Variants in SWT1 observed in about 807,000 individuals in gnomAD.
The protein encoded by SWT1 is SWT1 RNA endoribonuclease homolog, also known as transcriptional protein SWT1.
A neutral mutation model predicts 107.3 loss-of-function variants in SWT1; 33 were observed. The observed-to-expected ratio is 0.31, with a 90% CI of 0.23 to 0.41. The LOEUF is 0.41. Ranked by LOEUF, SWT1 falls within the 10% of genes least tolerant of loss-of-function variation. SWT1 has a pLI of 1.00. For missense variants in SWT1, 898 were observed against 1,028.9 expected, an observed-to-expected ratio of 0.87 and a Z score of 1.74; for synonymous variants, 345 against 348.3, an observed-to-expected ratio of 0.99 and a Z score of 0.11.
intron 18 of SWT1, among the ~76,000 whole-genome samples, chr1:185,288,829 C>T (rs1241558119): frequency 2.0e-5 from 3 of 152,032 alleles, no homozygotes; most frequent in African/African-American, 7.3e-5. Flanking sequence ...GGATTGGTGT[C>T]CTACAATTTG....
chr1:185,171,519 CT>C, intron 4 of SWT1: 1 of 352,794 alleles, frequency 2.8e-6, no homozygotes. Context: ...GCCCTTGCTC[CT>C]TTTGATCACA....
intron 17 of SWT1, among the ~76,000 whole-genome samples, chr1:185,274,465 G>GATTTTTAAA (rs1359653618): frequency 2.4e-4 from 37 of 151,822 alleles, no homozygotes; most frequent in African/African-American, 8.4e-4. Flanking sequence ...CTGATTCACA[G>GATTTTTAAA]ATTTTTAAAA....
At chr1:185,179,761 A>G (rs1391482823) in intron 5 of SWT1, among the ~76,000 whole-genome samples, 1 of 152,164 alleles carries the variant, frequency 6.6e-6, no homozygotes, top group Non-Finnish European at 1.5e-5. Flanking sequence ...GCATCTGTAT[A>G]TGAAGAATTC....
chr1:185,275,583 CTA>C (rs1664186910), intron 17 of SWT1, among the ~76,000 whole-genome samples: 1 of 151,432 alleles, frequency 6.6e-6, no homozygotes, highest in Admixed American at 6.6e-5. Flanking sequence ...ACGGGTCTCA[CTA>C]TGTTGCTCAG....
intron 16 of SWT1, among the ~76,000 whole-genome samples, chr1:185,250,620 G>A (rs1321465422): frequency 6.6e-6 from 1 of 151,978 alleles, no homozygotes; most frequent in African/African-American, 2.4e-5. Flanking sequence ...GACTCCAAAT[G>A]TCTAAAACTA....
At chr1:185,181,887 C>T in intron 6 of SWT1, 59 bp from the exon 7 acceptor site, 2 of 1,585,810 alleles carry the variant, frequency 1.3e-6, no homozygotes, top group South Asian at 1.1e-5. Context: ...AATTGCTTTC[C>T]TCTCTTGTCA....
rs772292582 is a variant in SWT1 at position 185,160,867 on chromosome 1, A to G, written c.26A>G (p.Lys9Arg). The G allele has an allele frequency of 1.4e-5, 22 of 1,613,232 alleles. No individual in the cohort carries two copies. The highest frequency in any genetic ancestry group is 1.9e-5 in the Non-Finnish European group (22 of 1,179,688). The change falls in exon 2 of 19, where the codon AAA becomes AGA. Residue 9 changes from lysine to arginine, a missense_variant. Lys to Arg is a conservative substitution (Grantham distance 26). Transcript: ENST00000367500. ...ATGTCCAGCAAAGAATCCTGTGGGA[A>G]AAAAGAGACATCTCAGAGGAAAGAC... Reference protein sequence around the residue: MSSKESCGKKETSQRKDTT... With the variant: MSSKESCGRKETSQRKDTT...
chr1:185,162,206 T>G (rs1654209263), intron 2 of SWT1, among the ~76,000 whole-genome samples: 1 of 152,218 alleles, frequency 6.6e-6, no homozygotes, highest in Non-Finnish European at 1.5e-5. Flanking sequence ...TAAACCTACT[T>G]AAAACTACTA....
chr1:185,242,611 G>A (rs1427488652), intron 16 of SWT1, among the ~76,000 whole-genome samples: 1 of 152,162 alleles, frequency 6.6e-6, no homozygotes, highest in Non-Finnish European at 1.5e-5. Flanking sequence ...TTGGATGACA[G>A]AGTTAAATGT....
At chr1:185,167,792 C>A (rs1232600071) in intron 3 of SWT1, among the ~76,000 whole-genome samples, 1 of 152,084 alleles carries the variant, frequency 6.6e-6, no homozygotes, top group Non-Finnish European at 1.5e-5. Context: ...CCTTCTTTTA[C>A]TCGTCTTTCA....
chr1:185,256,238 T>G (rs1571632828), intron 16 of SWT1, among the ~76,000 whole-genome samples: 1 of 151,996 alleles, frequency 6.6e-6, no homozygotes, highest in African/African-American at 2.4e-5. Flanking sequence ...TCAAGTTTGG[T>G]GAATCTGACA....
intron 16 of SWT1, among the ~76,000 whole-genome samples, chr1:185,232,550 G>A (rs1470599970): frequency 6.6e-6 from 1 of 152,144 alleles, no homozygotes; most frequent in Non-Finnish European, 1.5e-5. Context: ...CAATCAAAAG[G>A]TATTAGTATT....
intron 13 of SWT1, among the ~76,000 whole-genome samples, chr1:185,213,254 A>G (rs1202410921): frequency 6.6e-6 from 1 of 152,160 alleles, no homozygotes; most frequent in Non-Finnish European, 1.5e-5. Context: ...TCCTCAGGGG[A>G]TTTACGTAGT....
chr1:185,229,565 G>A (rs1043328196), intron 15 of SWT1, among the ~76,000 whole-genome samples: 4 of 151,320 alleles, frequency 2.6e-5, no homozygotes, highest in African/African-American at 9.7e-5. Context: ...TTTACTGATG[G>A]CTTTCCTGGA....
rs889367638 is a variant in SWT1 at position 185,157,177 on chromosome 1, T to C, written c.-147T>C. ...GCGCTGTGGGGCGGTGAGTAGGTAG[T>C]GCGGATGCGGGCGCAGAACTACGTT... On this transcript the variant is annotated 5_prime_UTR_variant, in exon 1 of 19. Transcript: ENST00000367500. 7 of 161,332 alleles carry C rather than the reference T, an allele frequency of 4.3e-5. No individual in the cohort carries two copies. The highest frequency in any genetic ancestry group is 1.9e-4 in the East Asian group (1 of 5,296). The allele number at this position is 161,332 out of a possible 1,614,324, so 10.0% of individuals were successfully genotyped here. A position where few individuals can be genotyped will look rare whatever the true frequency, so the allele number is the denominator to read the frequency against.
At chr1:185,265,333 G>T (rs1247372015) in intron 16 of SWT1, among the ~76,000 whole-genome samples, 1 of 151,956 alleles carries the variant, frequency 6.6e-6, no homozygotes. Context: ...GCTCTCATTT[G>T]CATAGCTGAT....
intron 16 of SWT1, among the ~76,000 whole-genome samples, chr1:185,244,447 C>A (rs1163480154): frequency 2.0e-5 from 3 of 151,624 alleles, no homozygotes; most frequent in African/African-American, 7.3e-5. Flanking sequence ...CCTAAACATA[C>A]GTAAACATAG....
chr1:185,169,489 C>G (rs1654866345), intron 4 of SWT1, among the ~76,000 whole-genome samples: 1 of 152,034 alleles, frequency 6.6e-6, no homozygotes, highest in Admixed American at 6.6e-5. Context: ...AGCCATAATA[C>G]AGATGAAAAA....
At chr1:185,199,078 C>T (rs1657649700) in intron 10 of SWT1, among the ~76,000 whole-genome samples, 2 of 151,860 alleles carry the variant, frequency 1.3e-5, no homozygotes, top group African/African-American at 2.4e-5. Flanking sequence ...GCTGGGATTA[C>T]AGGCACACAC....
Sources: gnomAD v4.1 joint callset for allele counts (sites outside exome capture counted in the v4.1 genomes callset) on GRCh38, gnomAD v4.1.1 for gene constraint, MANE v1.5 for transcripts, NCBI Gene and HGNC (gene_info 2026-07-23, HGNC 2026-07-21) for gene names.